The following SYNE2 variants were observed in gnomAD, a reference collection of about 807,000 sequenced individuals.
The protein encoded by SYNE2 is spectrin repeat containing nuclear envelope protein 2, also known as nesprin-2.
Under a neutral mutation model 856.3 loss-of-function variants are expected in SYNE2, and 431 were observed. That is an observed-to-expected ratio of 0.50 (90% CI 0.47 to 0.55). SYNE2 has a LOEUF of 0.55. Among genes scored for constraint, SYNE2 ranks in the 20% least tolerant of loss-of-function variants. SYNE2 has a pLI of 0.00. For missense variants in SYNE2, 8,129 were observed against 8,023.2 expected (o/e 1.01, Z -0.50); for synonymous variants, 2,923 against 2,872.3 (o/e 1.02, Z -0.56).
At chr14:63,821,849 A>G (rs112222545) in intron 1 of SYNE2, among the ~76,000 whole-genome samples, 2 of 152,228 alleles carry the variant, frequency 1.3e-5, no homozygotes, top group African/African-American at 4.8e-5. Context: ...TGTTCAAAAC[A>G]TTAGAAATTA....
chr14:63,873,360 C>G (rs928574941), intron 1 of SYNE2: 1 of 151,774 alleles, frequency 6.6e-6, no homozygotes, highest in Non-Finnish European at 1.5e-5. Flanking sequence ...AAGGTGTGGA[C>G]TCTACAGTAC....
chr14:64,133,952 C>T (rs2098055494), intron 77 of SYNE2, 117 bp from the exon 78 acceptor site: 2 of 1,249,010 alleles, frequency 1.6e-6, no homozygotes, highest in Non-Finnish European at 1.2e-6. Flanking sequence ...CACCTGGAAT[C>T]TGTGCTTTAA....
At chr14:63,877,191 G>A (rs1465078306) in intron 1 of SYNE2, among the ~76,000 whole-genome samples, 1 of 152,142 alleles carries the variant, frequency 6.6e-6, no homozygotes. Flanking sequence ...ATTATGGGAA[G>A]CCTTCAGGGA....
At position 64,051,995 on chromosome 14, in the gene SYNE2, G is replaced by C; in HGVS notation, c.8082G>C (p.Trp2694Cys). The C allele has an allele frequency of 1.2e-6, 2 of 1,613,684 alleles. No individual in the cohort carries two copies. Among genetic ancestry groups the C allele is most frequent in the South Asian group, 2.2e-5 (2 of 91,054 alleles). The change falls in exon 48 of 116, where the codon TGG becomes TGC. Residue 2694 changes from tryptophan to cysteine, a missense_variant. By Grantham distance (215) the Trp-to-Cys change is radical. Coordinates refer to ENST00000555002, the MANE Select transcript of SYNE2 (RefSeq NM_182914.3). ...CTGAACTTCAGATGAAGAGGATTTG[G>C]GGAGAAAAAGAAAAGAAGAATTTGG... ...GQAELQMKRI[W>C]GEKEKKNLED...
chr14:63,909,365 A>G (rs1382934914), intron 2 of SYNE2, 138 bp downstream of exon 2: 5 of 564,038 alleles, frequency 8.9e-6, no homozygotes. Context: ...AAACCTTTTA[A>G]TATATTTAAA....
chr14:64,145,457 G>A (rs563888686), intron 83 of SYNE2, among the ~76,000 whole-genome samples: 66 of 147,608 alleles, frequency 4.5e-4, no homozygotes, highest in South Asian at 2.1e-3. Flanking sequence ...GCAGTGAGCC[G>A]AGATTGCACC....
chr14:63,761,771 A>G (rs372203886), upstream of SYNE2, among the ~76,000 whole-genome samples: 1 of 152,216 alleles, frequency 6.6e-6, no homozygotes, highest in Non-Finnish European at 1.5e-5. Context: ...CTCAAATGCC[A>G]AGGTGTTGTA....
chr14:63,858,928 C>G (rs931643882), intron 1 of SYNE2, among the ~76,000 whole-genome samples: 1 of 152,076 alleles, frequency 6.6e-6, no homozygotes, highest in Admixed American at 6.5e-5. Flanking sequence ...AAGGCTTTCT[C>G]CTATGATTTT....
At chr14:64,002,661 C>T in intron 29 of SYNE2, 59 bp from the exon 30 acceptor site, 2 of 1,579,112 alleles carry the variant, frequency 1.3e-6, no homozygotes, top group Non-Finnish European at 1.7e-6. Flanking sequence ...GCTAGTTTCT[C>T]ACATGTAGCC....
intron 45 of SYNE2, among the ~76,000 whole-genome samples, chr14:64,038,674 CCAT>C (rs2097123435): frequency 6.6e-6 from 1 of 152,242 alleles, no homozygotes. Flanking sequence ...AACCCGGTCT[CCAT>C]CAAAAAAATA....
chr14:64,105,621 A>G (rs2097766090), intron 64 of SYNE2, among the ~76,000 whole-genome samples: 1 of 152,202 alleles, frequency 6.6e-6, no homozygotes, highest in Non-Finnish European at 1.5e-5. Context: ...TAATATCCAC[A>G]TGCTTTCTGT....
At chr14:63,811,265 A>G (rs995298013) in intron 1 of SYNE2, among the ~76,000 whole-genome samples, 1 of 149,962 alleles carries the variant, frequency 6.7e-6, no homozygotes, top group East Asian at 2.0e-4. Context: ...TATTATTATT[A>G]TTTTTTTTGA....
chr14:64,217,087 T>C (rs1298287554), intron 108 of SYNE2, among the ~76,000 whole-genome samples: 1 of 152,216 alleles, frequency 6.6e-6, no homozygotes, highest in Non-Finnish European at 1.5e-5. Flanking sequence ...TCATTGATGG[T>C]GTGCTGCAGT....
chr14:63,979,679 A>G (rs1167254723), intron 14 of SYNE2, among the ~76,000 whole-genome samples: 1 of 152,216 alleles, frequency 6.6e-6, no homozygotes, highest in Non-Finnish European at 1.5e-5. Flanking sequence ...TTGGGAGGCC[A>G]AGGCAGGTGG....
At chr14:63,862,944 T>G (rs761125862) in intron 1 of SYNE2, among the ~76,000 whole-genome samples, 1 of 151,992 alleles carries the variant, frequency 6.6e-6, no homozygotes, top group Non-Finnish European at 1.5e-5. Flanking sequence ...GCTATAGGCA[T>G]GCACCACCAC....
rs368903315 is a variant in SYNE2 at position 63,998,274 on chromosome 14, A to G, written c.3299A>G (p.Glu1100Gly). 47 of 1,614,006 alleles carry G rather than the reference A, an allele frequency of 2.9e-5. No individual in the cohort carries two copies. Among genetic ancestry groups the G allele is most frequent in the Non-Finnish European group, 3.8e-5 (45 of 1,179,982 alleles). The part of the protein sequence containing the change: ...SLASVLRPLQ[E>G]ESIMEKDYSA... Reference sequence around the variant, plus strand: ...GCATCAGTGTTAAGGCCTCTGCAAGAAGAAAGCATTATGGAAAAGGATTAC... The same window carrying G: ...GCATCAGTGTTAAGGCCTCTGCAAGGAGAAAGCATTATGGAAAAGGATTAC... Residue 1100 changes from glutamate (E) to glycine (G), a missense_variant, in exon 26 of 116, where the codon GAA (glutamate) becomes GGA (glycine). By Grantham distance (98) the Glu-to-Gly change is moderately conservative (BLOSUM62 -2). Transcript: ENST00000555002.
chr14:63,947,973 G>A (rs1275959915), intron 6 of SYNE2, among the ~76,000 whole-genome samples: 2 of 152,088 alleles, frequency 1.3e-5, no homozygotes, highest in Non-Finnish European at 2.9e-5. Flanking sequence ...ACTTCTCTTT[G>A]CACCAGTACT....
intron 100 of SYNE2, among the ~76,000 whole-genome samples, chr14:64,203,649 A>G (rs1334902107): frequency 6.6e-6 from 1 of 151,968 alleles, no homozygotes; most frequent in Non-Finnish European, 1.5e-5. Context: ...ATGCCTGGAT[A>G]TGTCTTTACT....
chr14:64,165,208 C>T (rs1433856781), intron 89 of SYNE2, 77 bp from the exon 90 acceptor site: 12 of 1,503,678 alleles, frequency 8.0e-6, no homozygotes, highest in Non-Finnish European at 1.8e-6. Context: ...GAATTTTTAG[C>T]AGCTCCCAAG....
Sources: gnomAD v4.1 joint callset for allele counts (sites outside exome capture counted in the v4.1 genomes callset) on GRCh38, gnomAD v4.1.1 for gene constraint, MANE v1.5 for transcripts, NCBI Gene and HGNC (gene_info 2026-07-23, HGNC 2026-07-21) for gene names.